Variants in ZNF705G observed in about 807,000 individuals in gnomAD.
ZNF705G encodes zinc finger protein 705G, also known as putative zinc finger protein 705G.
ZNF705G carries 23 observed loss-of-function variants against 19.6 expected under a neutral mutation model. The observed-to-expected ratio is 1.17, with a 90% CI of 0.84 to 1.66. The LOEUF (loss-of-function observed/expected upper bound fraction) is 1.66, where lower values mean the gene tolerates loss of function less well. Ranked by LOEUF, ZNF705G falls within the 40% of genes most tolerant of loss-of-function variation. The probability of loss-of-function intolerance (pLI) is 0.00; values close to 1 mark genes in which losing one functional copy is unlikely to be tolerated. For synonymous variants in ZNF705G, 146 were observed against 117.7 expected, an observed-to-expected ratio of 1.24 and a Z score of -1.56; for missense variants, 457 against 354.4, an observed-to-expected ratio of 1.29 and a Z score of -2.32.
At position 7,363,036 on chromosome 8, in the gene ZNF705G, C is replaced by A; in HGVS notation, c.-71-19G>T. On this transcript the variant is annotated intron_variant, in intron 2 of 6. Transcript: ENST00000400156. ...AGAAAAGCTGAGGTTGGAGAAAGAACATGTGAGACACCAGTCTTGTGCACA... is the reference window on the plus strand; with the variant it reads ...AGAAAAGCTGAGGTTGGAGAAAGAAAATGTGAGACACCAGTCTTGTGCACA... 4 of 1,581,022 alleles carry A rather than the reference C, an allele frequency of 2.5e-6. No individual in the cohort carries two copies. Among genetic ancestry groups the A allele is most frequent in the East Asian group, 2.2e-5 (1 of 44,776 alleles).
At chr8:7,367,112 C>T (rs1318046151) in intron 2 of ZNF705G, among the ~76,000 whole-genome samples, 4 of 149,480 alleles carry the variant, frequency 2.7e-5, no homozygotes, top group Non-Finnish European at 4.4e-5. Context: ...ATAGTGAACA[C>T]AGAATATGAG....
intron 2 of ZNF705G, among the ~76,000 whole-genome samples, chr8:7,380,070 C>A (rs1807420088): frequency 7.0e-6 from 1 of 143,014 alleles, no homozygotes. Context: ...AGGGAACTGG[C>A]AGTGCCATTC....
At chr8:7,360,504 C>G (rs1806728) in intron 4 of ZNF705G, among the ~76,000 whole-genome samples, 172 bp from the exon 5 acceptor site, 32,334 of 145,334 alleles carry the variant, frequency 0.22, 3,927 homozygotes, top group African/African-American at 0.42. Flanking sequence ...TATGAGACTA[C>G]AAAATAAATC....
intron 1 of ZNF705G, among the ~76,000 whole-genome samples, chr8:7,383,258 G>T (rs1807584206): frequency 6.7e-6 from 1 of 148,170 alleles, no homozygotes; most frequent in South Asian, 2.1e-4. Flanking sequence ...ATCATGTAGT[G>T]CAATGCATTT....
At position 7,357,215 on chromosome 8, in the gene ZNF705G, T is replaced by C. The variant is rs1206960197; in HGVS notation, c.*761A>G. 1 of 150,794 alleles carries C rather than the reference T, an allele frequency of 6.6e-6. No homozygotes were observed. Among genetic ancestry groups the C allele is most frequent in the Non-Finnish European group, 1.5e-5 (1 of 68,316 alleles). 9.3% of individuals were successfully genotyped at this position (150,794 alleles called of 1,614,324 possible). ...CATGTGTTGCTCTATGAAGAAAGGA[T>C]TTCTCATGATTTTTCATTGCATAAC... is the stretch of plus-strand genomic sequence containing the variant. On this transcript the variant is annotated 3_prime_UTR_variant, in exon 7 of 7. Transcript: ENST00000400156.
At position 7,356,192 on chromosome 8, in the gene ZNF705G, G is replaced by C. The variant is rs1806228142; in HGVS notation, c.*1784C>G. 1 of 149,530 alleles carries C rather than the reference G, an allele frequency of 6.7e-6. No homozygotes were observed. Among genetic ancestry groups the C allele is most frequent in the South Asian group, 2.1e-4 (1 of 4,754 alleles). 9.3% of individuals were successfully genotyped at this position (149,530 alleles called of 1,614,324 possible). A position where few individuals can be genotyped will look rare whatever the true frequency, so the allele number is the denominator to read the frequency against. On this transcript the variant is annotated 3_prime_UTR_variant, in exon 7 of 7. Coordinates refer to ENST00000400156, the MANE Select transcript of ZNF705G (RefSeq NM_001164457.3). Reference sequence around the variant, plus strand: ...CATTTTGCTTCAGGAAAAGTACATTGAATCAAATATAGGAAAGGCTTGCAA... The same window carrying C: ...CATTTTGCTTCAGGAAAAGTACATTCAATCAAATATAGGAAAGGCTTGCAA...
Position 7,358,149 on chromosome 8 carries a change from G to C in ZNF705G, c.730C>G (p.Gln244Glu). ...GKVFIQSFNLQRHERTHLGKK... is the reference protein window; with the variant it reads ...GKVFIQSFNLERHERTHLGKK... ...CCAAGGTGAGTTCTCTCATGTCTTT[G>C]AAGGTTAAAGGATTGAATAAAGACT... The change falls in exon 7 of 7, where the codon CAA becomes GAA. Residue 244 changes from glutamine to glutamate, a missense_variant. Gln to Glu is a conservative substitution (Grantham distance 29). Transcript: ENST00000400156. 1 of 1,607,504 alleles carries C rather than the reference G, an allele frequency of 6.2e-7. No individual in the cohort carries two copies. The highest frequency in any genetic ancestry group is 8.5e-7 in the Non-Finnish European group (1 of 1,179,616).
rs1220395078 is a variant in ZNF705G at position 7,360,097 on chromosome 8, C to G, written c.235+140G>C. On this transcript the variant is annotated intron_variant, in intron 5 of 6. Transcript: ENST00000400156. ...CACATGAACAAAATGATAATAACAT[C>G]TAAGGAATTCTGCTCCAGTAGCCTA... is the stretch of plus-strand genomic sequence containing the variant. 9.5e-5 allele frequency: 103 copies of G among 1,081,986 alleles called. 2 individuals carry two copies. Among genetic ancestry groups the G allele is most frequent in the Non-Finnish European group, 1.3e-4 (98 of 764,312 alleles). 67.0% of individuals were successfully genotyped at this position (1,081,986 alleles called of 1,614,324 possible).
intron 2 of ZNF705G, among the ~76,000 whole-genome samples, chr8:7,377,965 A>AG: frequency 7.5e-6 from 1 of 133,406 alleles, no homozygotes; most frequent in African/African-American, 3.6e-5. Flanking sequence ...AAAAAAAAAA[A>AG]AAAAAAAAAA....
chr8:7,365,610 T>C (rs1338692424), intron 2 of ZNF705G, among the ~76,000 whole-genome samples: 1 of 149,292 alleles, frequency 6.7e-6, no homozygotes, highest in Non-Finnish European at 1.5e-5. Context: ...CCTCAGGTGA[T>C]CCGCCAGCCT....
chr8:7,370,012 C>T (rs1036623297), intron 2 of ZNF705G, among the ~76,000 whole-genome samples: 3 of 147,208 alleles, frequency 2.0e-5, no homozygotes, highest in African/African-American at 8.1e-5. Flanking sequence ...AAAACCTGCA[C>T]ATACATCTCC....
chr8:7,369,290 G>T (rs9694292), intron 2 of ZNF705G, among the ~76,000 whole-genome samples: 1 of 148,976 alleles, frequency 6.7e-6, no homozygotes, highest in Non-Finnish European at 1.5e-5. Flanking sequence ...AAGATGTATG[G>T]GAAAGCCTGT....
chr8:7,368,223 G>C (rs1489368434), intron 2 of ZNF705G, among the ~76,000 whole-genome samples: 1 of 149,584 alleles, frequency 6.7e-6, no homozygotes, highest in East Asian at 1.9e-4. Context: ...GGATTTTTGA[G>C]ACTACTACTA....
intron 3 of ZNF705G, among the ~76,000 whole-genome samples, 186 bp downstream of exon 3, chr8:7,362,749 T>C (rs1403129696): frequency 6.7e-6 from 1 of 149,364 alleles, no homozygotes; most frequent in East Asian, 1.9e-4. Flanking sequence ...GAAAACTTAA[T>C]GGGGGGCCAG....
Position 7,358,490 on chromosome 8 carries a change from G to A in ZNF705G, c.389C>T (p.Thr130Ile). 1.2e-6 allele frequency: 2 copies of A among 1,607,580 alleles called. No homozygotes were observed. The highest frequency in any genetic ancestry group is 1.1e-5 in the South Asian group (1 of 90,710). ...DSGEDCTRSS[T>I]ITQCLLTHSG... ...ATGAGTTAACAAACACTGAGTTATT[G>A]TGGAACTGCGAGTGCAATCTTCTCC... Residue 130 changes from threonine (T) to isoleucine (I), a missense_variant, in exon 7 of 7, where the codon ACA (threonine) becomes ATA (isoleucine). Physicochemically the swap from Thr to Ile is moderately conservative, Grantham distance 89. Transcript: ENST00000400156.
chr8:7,385,418 T>C (rs1807681095), intron 1 of ZNF705G, 80 bp downstream of exon 1: 1 of 149,124 alleles, frequency 6.7e-6, no homozygotes, highest in South Asian at 2.1e-4. Flanking sequence ...TCCTGTCTCC[T>C]ACACTTACAC....
intron 1 of ZNF705G, among the ~76,000 whole-genome samples, chr8:7,381,978 G>T (rs1193076228): frequency 6.6e-6 from 1 of 152,208 alleles, no homozygotes; most frequent in African/African-American, 2.4e-5. Context: ...TCCAGAAGCA[G>T]CAGTTTATTG....
Position 7,356,694 on chromosome 8 carries a change from T to C in ZNF705G, c.*1282A>G, listed in dbSNP as rs1466097953. On this transcript the variant is annotated 3_prime_UTR_variant, in exon 7 of 7. Coordinates refer to ENST00000400156, the MANE Select transcript of ZNF705G (RefSeq NM_001164457.3). ...GTTGAAGACTGGGGAGACTCAGAAG[T>C]TGGGGTAGAATCTCGACCAAGAATC... The C allele has an allele frequency of 6.7e-6, 1 of 149,504 alleles. No individual in the cohort carries two copies. The highest frequency in any genetic ancestry group is 1.5e-5 in the Non-Finnish European group (1 of 68,014). The allele number at this position is 149,504 out of a possible 1,614,324, so 9.3% of individuals were successfully genotyped here.
chr8:7,363,930 G>C (rs527537237), intron 2 of ZNF705G, among the ~76,000 whole-genome samples: 1 of 149,724 alleles, frequency 6.7e-6, no homozygotes, highest in African/African-American at 2.6e-5. Flanking sequence ...TCCTGCATCA[G>C]AAATTAGCAG....
Sources: allele counts gnomAD v4.1 joint callset (sites outside exome capture counted in the v4.1 genomes callset), GRCh38; gene constraint gnomAD v4.1.1; transcripts MANE v1.5; gene names NCBI Gene and HGNC (gene_info 2026-07-23, HGNC 2026-07-21).